Variants in CCSER1 observed in about 807,000 individuals in gnomAD.
CCSER1 encodes the protein serine-rich coiled-coil domain-containing protein 1.
In CCSER1, 41 loss-of-function variants were observed where a neutral mutation model predicts 82.0. The ratio of observed to expected loss-of-function variants is 0.50; its 90% CI spans 0.39 to 0.65. The LOEUF is 0.65. Among genes scored for constraint, CCSER1 ranks in the 30% least tolerant of loss-of-function variants. CCSER1 has a pLI of 0.00. For synonymous variants in CCSER1, 414 were observed against 383.9 expected (o/e 1.08, Z -0.92); for missense variants, 1,119 against 1,064.2 (o/e 1.05, Z -0.72).
chr4:90,753,700 A>G (rs1749071729), intron 7 of CCSER1, among the ~76,000 whole-genome samples: 2 of 152,066 alleles, frequency 1.3e-5, no homozygotes, highest in African/African-American at 4.8e-5. Flanking sequence ...AAAAAAATAA[A>G]TTGGATTGTG....
intron 10 of CCSER1, among the ~76,000 whole-genome samples, chr4:91,394,957 T>G (rs1335309671): frequency 6.6e-6 from 1 of 152,010 alleles, no homozygotes; most frequent in Non-Finnish European, 1.5e-5. Context: ...TGTCTTTAAA[T>G]TCAATAGAAC....
chr4:90,238,189 G>C (rs541052080), intron 1 of CCSER1, among the ~76,000 whole-genome samples: 27 of 152,248 alleles, frequency 1.8e-4, no homozygotes, highest in Admixed American at 4.6e-4. Flanking sequence ...TGAAGCCCTT[G>C]TACCTTATAT....
At chr4:90,786,719 T>A (rs1384753854) in intron 7 of CCSER1, among the ~76,000 whole-genome samples, 10 of 152,196 alleles carry the variant, frequency 6.6e-5, no homozygotes, top group Admixed American at 6.5e-4. Context: ...TGACCAAATG[T>A]GTCTGTATGG....
intron 6 of CCSER1, among the ~76,000 whole-genome samples, chr4:90,642,876 T>C (rs998858788): frequency 7.0e-6 from 1 of 142,512 alleles, no homozygotes. Context: ...CATACATACA[T>C]ACATGCATTA....
At chr4:90,718,023 A>G (rs547718366) in intron 6 of CCSER1, among the ~76,000 whole-genome samples, 1 of 152,148 alleles carries the variant, frequency 6.6e-6, no homozygotes, top group South Asian at 2.1e-4. Flanking sequence ...CGTCTAAAAA[A>G]AGAAATATAT....
At chr4:91,117,926 C>T (rs188790549) in intron 10 of CCSER1, among the ~76,000 whole-genome samples, 1 of 152,228 alleles carries the variant, frequency 6.6e-6, no homozygotes, top group African/African-American at 2.4e-5. Context: ...GTCTTCTTTT[C>T]CATTACCCAA....
intron 6 of CCSER1, among the ~76,000 whole-genome samples, chr4:90,674,573 CCAAA>C (rs1157410622): frequency 2.0e-5 from 3 of 151,644 alleles, no homozygotes; most frequent in Non-Finnish European, 2.9e-5. Flanking sequence ...TGTTTTATTA[CCAAA>C]CAAAAATTAA....
At chr4:91,007,278 T>G (rs1317476927) in intron 9 of CCSER1, among the ~76,000 whole-genome samples, 2 of 152,244 alleles carry the variant, frequency 1.3e-5, no homozygotes, top group Non-Finnish European at 1.5e-5. Context: ...TGTCTGATTT[T>G]GGAATCAAAG....
intron 3 of CCSER1, among the ~76,000 whole-genome samples, chr4:90,333,040 C>A (rs1708906860): frequency 6.6e-6 from 1 of 152,114 alleles, no homozygotes; most frequent in African/African-American, 2.4e-5. Context: ...CAGACTAATT[C>A]ATGATTGTCT....
At chr4:91,502,650 A>C (rs1344728804) in intron 10 of CCSER1, among the ~76,000 whole-genome samples, 1 of 152,198 alleles carries the variant, frequency 6.6e-6, no homozygotes, top group South Asian at 2.1e-4. Flanking sequence ...GCCATCCTTA[A>C]TTATTGCCAT....
At chr4:91,328,980 G>A (rs570032388) in intron 10 of CCSER1, among the ~76,000 whole-genome samples, 13 of 148,266 alleles carry the variant, frequency 8.8e-5, no homozygotes, top group African/African-American at 3.3e-4. Context: ...TGTAAGATGT[G>A]ACTTTGCTCC....
At chr4:90,650,356 T>C (rs1367312632) in intron 6 of CCSER1, among the ~76,000 whole-genome samples, 4 of 152,024 alleles carry the variant, frequency 2.6e-5, no homozygotes, top group African/African-American at 9.7e-5. Context: ...AAAGAAAGCT[T>C]GTGGGATTCA....
chr4:91,173,141 A>C (rs1732941513), intron 10 of CCSER1, among the ~76,000 whole-genome samples: 1 of 152,224 alleles, frequency 6.6e-6, no homozygotes, highest in Admixed American at 6.5e-5. Flanking sequence ...GACTATGTTT[A>C]AGAGCTATGC....
At position 91,404,342 on chromosome 4, in the gene CCSER1, A is replaced by G. The variant is rs555626604; in HGVS notation, c.2218-194230A>G. On this transcript the variant is annotated intron_variant, in intron 10 of 10. Transcript: ENST00000509176. ...CAATTTTGTTGATGTTTTCAAAAAA[A>G]CAGATCCTGGATTCCTTGATTTCTT... 3.9e-5 allele frequency among the ~76,000 whole-genome samples: 6 copies of G among 152,000 alleles called. No homozygotes were observed. In the South Asian group the frequency reaches 8.3e-4, roughly 21 times the overall value.
intron 1 of CCSER1, among the ~76,000 whole-genome samples, chr4:90,249,443 AT>A (rs1457453483): frequency 1.3e-5 from 2 of 152,106 alleles, no homozygotes; most frequent in African/African-American, 4.8e-5. Flanking sequence ...ATTTTAAACC[AT>A]TTTCATTACC....
Position 90,240,238 on chromosome 4 carries a change from G to A in CCSER1, c.-41-68006G>A, listed in dbSNP as rs1351128576. Among the ~76,000 whole-genome samples the A allele has an allele frequency of 3.9e-5, 6 of 152,252 alleles. No individual in the cohort carries two copies. The East Asian group carries it at 1.2e-3, about 29-fold the overall frequency. The stretch of plus-strand genomic sequence containing the variant: ...GAGCACCCTCCAGGGAAGAGTATGG[G>A]GCCTGTAGTGGACTCAGTAGGACTC... On this transcript the variant is annotated intron_variant, in intron 1 of 10. Transcript: ENST00000509176.
At chr4:91,229,677 C>G (rs1738470813) in intron 10 of CCSER1, among the ~76,000 whole-genome samples, 1 of 152,084 alleles carries the variant, frequency 6.6e-6, no homozygotes, top group African/African-American at 2.4e-5. Context: ...GAGTTCATTT[C>G]CTGTGCAGGG....
At chr4:91,504,233 A>G (rs1352176364) in intron 10 of CCSER1, among the ~76,000 whole-genome samples, 2 of 152,174 alleles carry the variant, frequency 1.3e-5, no homozygotes, top group African/African-American at 2.4e-5. Context: ...AAGGGTATAC[A>G]TTTGAGAGTC....
At chr4:90,337,928 A>G (rs558740093) in intron 3 of CCSER1, among the ~76,000 whole-genome samples, 1 of 152,252 alleles carries the variant, frequency 6.6e-6, no homozygotes, top group South Asian at 2.1e-4. Flanking sequence ...ATCTGGTGCA[A>G]TATGTTGTTT....
Sources: allele counts gnomAD v4.1 joint callset (sites outside exome capture counted in the v4.1 genomes callset), GRCh38; gene constraint gnomAD v4.1.1; transcripts MANE v1.5; gene names NCBI Gene and HGNC (gene_info 2026-07-23, HGNC 2026-07-21).